The following PTPRD variants were observed in gnomAD, a reference collection of about 807,000 sequenced individuals.
PTPRD encodes the protein receptor-type tyrosine-protein phosphatase delta.
A neutral mutation model predicts 214.5 loss-of-function variants in PTPRD; 34 were observed. The observed-to-expected ratio is 0.16, with a 90% CI of 0.12 to 0.21. The LOEUF (loss-of-function observed/expected upper bound fraction) is 0.21. Ranked by LOEUF, PTPRD falls within the 10% of genes least tolerant of loss-of-function variation. PTPRD has a pLI of 1.00. For missense variants in PTPRD, 2,545 were observed against 2,398.7 expected (o/e 1.06, Z -1.27); for synonymous variants, 1,128 against 845.7 (o/e 1.33, Z -5.79).
chr9:10,010,489 A>G (rs2096574528), intron 4 of PTPRD, among the ~76,000 whole-genome samples: 1 of 151,722 alleles, frequency 6.6e-6, no homozygotes, highest in Non-Finnish European at 1.5e-5. Flanking sequence ...AAATGAGGAA[A>G]ATGAGGGAGG....
intron 35 of PTPRD, among the ~76,000 whole-genome samples, chr9:8,408,810 A>G (rs557406871): frequency 4.3e-4 from 65 of 152,286 alleles, no homozygotes; most frequent in African/African-American, 1.5e-3. Context: ...TAACGCTAAC[A>G]ACAGATCTTC....
chr9:9,794,083 G>A (rs150459664), intron 5 of PTPRD, among the ~76,000 whole-genome samples: 4 of 151,702 alleles, frequency 2.6e-5, no homozygotes, highest in Admixed American at 6.6e-5. Flanking sequence ...CCTTCCCTCA[G>A]GTGTTCAGAG....
intron 39 of PTPRD, among the ~76,000 whole-genome samples, chr9:8,343,488 G>A (rs17559283): frequency 0.053 from 8,110 of 151,944 alleles, 266 homozygotes; most frequent in South Asian, 0.16. Flanking sequence ...GAGCAAAGTC[G>A]GCCTGGTGGT....
intron 3 of PTPRD, among the ~76,000 whole-genome samples, chr9:10,206,706 A>T (rs1348814830): frequency 6.6e-6 from 1 of 152,214 alleles, no homozygotes; most frequent in African/African-American, 2.4e-5. Flanking sequence ...TATATTTGTG[A>T]TATCTAGATG....
At chr9:9,466,139 C>T (rs1268895536) in intron 8 of PTPRD, among the ~76,000 whole-genome samples, 1 of 151,854 alleles carries the variant, frequency 6.6e-6, no homozygotes, top group Non-Finnish European at 1.5e-5. Context: ...AAAACCTCCT[C>T]TATATAAAAA....
chr9:9,841,049 T>G (rs2058213218), intron 5 of PTPRD, among the ~76,000 whole-genome samples: 1 of 152,106 alleles, frequency 6.6e-6, no homozygotes, highest in Admixed American at 6.6e-5. Flanking sequence ...CTGCACTGGA[T>G]TTAGAGAAAA....
chr9:8,534,944 T>G (rs2076572958), intron 14 of PTPRD, among the ~76,000 whole-genome samples: 2 of 151,954 alleles, frequency 1.3e-5, no homozygotes, highest in Admixed American at 1.3e-4. Flanking sequence ...ATGGCATCAT[T>G]CATTCTACAA....
intron 5 of PTPRD, among the ~76,000 whole-genome samples, chr9:9,913,650 A>G (rs1233613598): frequency 6.6e-6 from 1 of 152,124 alleles, no homozygotes; most frequent in Non-Finnish European, 1.5e-5. Flanking sequence ...GGGACTTCCT[A>G]TTGCCAGGAA....
intron 4 of PTPRD, among the ~76,000 whole-genome samples, chr9:10,002,103 G>T (rs1373251140): frequency 1.3e-5 from 2 of 151,570 alleles, no homozygotes; most frequent in Non-Finnish European, 3.0e-5. Context: ...ATCTGAACTA[G>T]ATTGTTTTAA....
intron 2 of PTPRD, among the ~76,000 whole-genome samples, chr9:10,600,598 G>C (rs991865182): frequency 4.6e-5 from 7 of 151,864 alleles, no homozygotes; most frequent in Admixed American, 1.3e-4. Context: ...AACCACTTCA[G>C]AGTTGGCAGG....
intron 8 of PTPRD, among the ~76,000 whole-genome samples, chr9:9,571,538 A>G (rs1385961828): frequency 2.0e-5 from 3 of 151,284 alleles, no homozygotes; most frequent in Non-Finnish European, 4.4e-5. Context: ...TATTTTAATG[A>G]TGCTGTAGAA....
At chr9:8,451,510 A>AAGGAGGACATGATGGCCAGTTTCAG (rs2095949676) in intron 33 of PTPRD, among the ~76,000 whole-genome samples, 3 of 152,180 alleles carry the variant, frequency 2.0e-5, no homozygotes, top group Non-Finnish European at 4.4e-5. Context: ...GACCATGCGA[A>AAGGAGGACATGATGGCCAGTTTCAG]AGGAGGACAT....
intron 11 of PTPRD, among the ~76,000 whole-genome samples, chr9:8,793,781 GA>G (rs573262167): frequency 1.3e-5 from 2 of 150,646 alleles, no homozygotes; most frequent in African/African-American, 2.4e-5. Context: ...TATTAGAACA[GA>G]AAAAAAAACC....
In PTPRD at chr9:9,316,705, C is replaced by A. The variant is rs1414329337; in HGVS notation, c.-203+80744G>T. Reference sequence around the variant, plus strand: ...GCAAAATTGGATGCATGGAATGATGCCCAGCATTACTGGTATCCACATAAA... The same window carrying A: ...GCAAAATTGGATGCATGGAATGATGACCAGCATTACTGGTATCCACATAAA... On this transcript the variant is annotated intron_variant, in intron 9 of 45. Transcript: ENST00000381196. Among the ~76,000 whole-genome samples the A allele has an allele frequency of 2.0e-5, 3 of 152,068 alleles. No homozygotes were observed. In the East Asian group the frequency reaches 5.8e-4, roughly 29 times the overall value.
chr9:8,561,610 G>C (rs12004691), intron 14 of PTPRD, among the ~76,000 whole-genome samples: 2 of 152,146 alleles, frequency 1.3e-5, no homozygotes, highest in African/African-American at 4.8e-5. Context: ...GGGGGTGAGG[G>C]GGGGTGGAGA....
At chr9:8,581,913 C>CAAAAAAAAAAAAAAAAAAAAAAAAAA (rs36007156) in intron 14 of PTPRD, among the ~76,000 whole-genome samples, 1 of 34,970 alleles carries the variant, frequency 2.9e-5, no homozygotes, top group African/African-American at 8.2e-5. Flanking sequence ...ACTCAATCTC[C>CAAAAAAAAAAAAAAAAAAAAAAAAAA]AAAAAAAAAA....
chr9:9,146,076 C>T (rs545280187), intron 10 of PTPRD, among the ~76,000 whole-genome samples: 1 of 152,296 alleles, frequency 6.6e-6, no homozygotes, highest in East Asian at 1.9e-4. Context: ...TGTTCAGTGA[C>T]ATCAGACCAC....
At chr9:8,387,877 T>A (rs948346352) in intron 37 of PTPRD, among the ~76,000 whole-genome samples, 8 of 152,190 alleles carry the variant, frequency 5.3e-5, no homozygotes, top group Non-Finnish European at 7.4e-5. Context: ...AGGGGAGTTG[T>A]TTTTAAAGAA....
chr9:8,317,453 C>A lies in PTPRD; in HGVS notation c.*421G>T. ...TTATGAGCAGTATGGTGGGAAGGGG[C>A]GATGTCAAAGCAGAGTCCGTTTCAT... is the stretch of plus-strand genomic sequence containing the variant. On this transcript the variant is annotated 3_prime_UTR_variant, in exon 46 of 46. Coordinates refer to ENST00000381196, the MANE Select transcript of PTPRD (RefSeq NM_002839.4). 4.2e-6 allele frequency: 1 copy of A among 239,386 alleles called. No individual in the cohort carries two copies. Among genetic ancestry groups the A allele is most frequent in the South Asian group, 1.6e-4 (1 of 6,354 alleles). The allele number at this position is 239,386 out of a possible 1,614,324, so 14.8% of individuals were successfully genotyped here.
Sources: gnomAD v4.1 joint callset for allele counts (sites outside exome capture counted in the v4.1 genomes callset) on GRCh38, gnomAD v4.1.1 for gene constraint, MANE v1.5 for transcripts, NCBI Gene and HGNC (gene_info 2026-07-23, HGNC 2026-07-21) for gene names.